The following ASCC3 variants were observed in gnomAD, a reference collection of about 807,000 sequenced individuals.
The protein encoded by ASCC3 is activating signal cointegrator 1 complex subunit 3.
ASCC3 carries 158 observed loss-of-function variants against 256.3 expected under a neutral mutation model. The observed-to-expected ratio is 0.62, with a 90% CI of 0.54 to 0.70. ASCC3 has a LOEUF of 0.70. Ranked by LOEUF, ASCC3 falls within the 30% of genes least tolerant of loss-of-function variation. ASCC3 has a pLI of 0.00. For missense variants in ASCC3, 2,259 were observed against 2,626.0 expected (o/e 0.86, Z 3.05); for synonymous variants, 948 against 883.4 (o/e 1.07, Z -1.30).
intron 22 of ASCC3, among the ~76,000 whole-genome samples, chr6:100,645,018 G>T (rs933316258): frequency 1.3e-5 from 2 of 152,148 alleles, no homozygotes; most frequent in African/African-American, 2.4e-5. Flanking sequence ...CATTATGAAA[G>T]ATAATATACT....
At chr6:100,824,965 T>C (rs1271920127) in intron 4 of ASCC3, among the ~76,000 whole-genome samples, 1 of 152,168 alleles carries the variant, frequency 6.6e-6, no homozygotes, top group African/African-American at 2.4e-5. Flanking sequence ...GGAAAAAATT[T>C]AATATCTCAA....
chr6:100,723,663 A>T (rs1239363424), intron 11 of ASCC3, among the ~76,000 whole-genome samples: 1 of 151,030 alleles, frequency 6.6e-6, no homozygotes, highest in East Asian at 1.9e-4. Context: ...GGATGGAAGA[A>T]AGTATTAAGG....
intron 10 of ASCC3, among the ~76,000 whole-genome samples, chr6:100,729,322 G>T (rs1464819885): frequency 6.6e-6 from 1 of 152,036 alleles, no homozygotes; most frequent in Non-Finnish European, 1.5e-5. Flanking sequence ...GAACAGAGAA[G>T]GCATTTTATG....
At chr6:100,568,893 T>C (rs910613305) in intron 36 of ASCC3, among the ~76,000 whole-genome samples, 8 of 151,668 alleles carry the variant, frequency 5.3e-5, no homozygotes, top group African/African-American at 1.9e-4. Flanking sequence ...TTCTCCTGCC[T>C]CAGCCTCCCG....
At chr6:100,668,335 G>A (rs1035497484) in intron 14 of ASCC3, among the ~76,000 whole-genome samples, 1 of 151,984 alleles carries the variant, frequency 6.6e-6, no homozygotes, top group Non-Finnish European at 1.5e-5. Flanking sequence ...TCAGAAAAGA[G>A]CACTTTGTAA....
chr6:100,638,853 A>G, intron 24 of ASCC3, 32 bp from the exon 25 acceptor site: 1 of 1,551,872 alleles, frequency 6.4e-7, no homozygotes, highest in South Asian at 1.1e-5. Flanking sequence ...GCTATACGAC[A>G]ATTGAAAAAC....
intron 14 of ASCC3, among the ~76,000 whole-genome samples, chr6:100,676,289 CT>C (rs1377710236): frequency 6.6e-6 from 1 of 152,058 alleles, no homozygotes; most frequent in East Asian, 1.9e-4. Flanking sequence ...CTATCTGTTT[CT>C]CATAGTAAAT....
chr6:100,851,547 CTTT>C (rs1208133916), intron 3 of ASCC3, among the ~76,000 whole-genome samples: 1 of 152,096 alleles, frequency 6.6e-6, no homozygotes, highest in Non-Finnish European at 1.5e-5. Context: ...CAAAGATCAA[CTTT>C]TTTGGAGTGT....
intron 36 of ASCC3, 103 bp from the exon 37 acceptor site, chr6:100,540,490 A>C: frequency 1.0e-6 from 1 of 966,978 alleles, no homozygotes. Flanking sequence ...AAATCATACA[A>C]TAACCATATC....
intron 37 of ASCC3, among the ~76,000 whole-genome samples, chr6:100,535,852 C>T (rs558408491): frequency 1.0e-3 from 157 of 152,156 alleles, no homozygotes; most frequent in African/African-American, 3.6e-3. Context: ...ATGGTCAAAA[C>T]GAATGCTTAT....
intron 4 of ASCC3, among the ~76,000 whole-genome samples, chr6:100,835,069 A>G (rs897082746): frequency 6.6e-6 from 1 of 151,790 alleles, no homozygotes; most frequent in Non-Finnish European, 1.5e-5. Context: ...TGCCTACCCA[A>G]TAAGCCTTCG....
At chr6:100,870,256 C>T (rs1773676073) in intron 1 of ASCC3, among the ~76,000 whole-genome samples, 1 of 150,926 alleles carries the variant, frequency 6.6e-6, no homozygotes, top group Non-Finnish European at 1.5e-5. Context: ...TCTCATGCGT[C>T]AGGAGGCTGA....
intron 4 of ASCC3, among the ~76,000 whole-genome samples, chr6:100,838,880 A>G (rs1014962097): frequency 9.2e-5 from 14 of 152,210 alleles, no homozygotes; most frequent in African/African-American, 3.1e-4. Context: ...ACATATATAT[A>G]TAACTTAAAA....
In ASCC3 at chr6:100,518,545, T is replaced by C. The variant is rs79398127; in HGVS notation, c.5776-403A>G. On this transcript the variant is annotated intron_variant, in intron 37 of 41. Coordinates refer to ENST00000369162, the MANE Select transcript of ASCC3 (RefSeq NM_006828.4). ...TGTAGTCTTTCAAATTTAAAATCAA[T>C]AATGGTAAGGAGATAGTTTTTCTTG... Among the ~76,000 whole-genome samples the C allele has an allele frequency of 9.5e-4, 144 of 152,220 alleles. 1 individual carries two copies. The South Asian group carries it at 0.024, about 26-fold the overall frequency.
chr6:100,861,878 C>G (rs1178321177), intron 3 of ASCC3, among the ~76,000 whole-genome samples: 2 of 152,030 alleles, frequency 1.3e-5, no homozygotes, highest in Non-Finnish European at 2.9e-5. Context: ...CCAGAGAAAG[C>G]AATCTAAAGG....
At chr6:100,602,873 T>A (rs1772693998) in intron 33 of ASCC3, among the ~76,000 whole-genome samples, 1 of 152,046 alleles carries the variant, frequency 6.6e-6, no homozygotes. Context: ...AATATGCAGG[T>A]ATTAAAAATA....
chr6:100,702,768 C>G (rs1017498658), intron 13 of ASCC3, among the ~76,000 whole-genome samples: 2 of 152,078 alleles, frequency 1.3e-5, no homozygotes, highest in African/African-American at 4.8e-5. Context: ...CAACCTCCAC[C>G]TAATCTATTG....
At chr6:100,621,212 C>T (rs1399513444) in intron 30 of ASCC3, among the ~76,000 whole-genome samples, 1 of 152,062 alleles carries the variant, frequency 6.6e-6, no homozygotes, top group Non-Finnish European at 1.5e-5. Context: ...AGCTGTTATC[C>T]TCAGCAAACT....
chr6:100,713,665 ACT>A (rs1778960640), intron 13 of ASCC3, among the ~76,000 whole-genome samples: 1 of 151,978 alleles, frequency 6.6e-6, no homozygotes, highest in South Asian at 2.1e-4. Flanking sequence ...GCACATGGAA[ACT>A]CTACTTTCCA....
Sources: gnomAD v4.1 joint callset for allele counts (sites outside exome capture counted in the v4.1 genomes callset) on GRCh38, gnomAD v4.1.1 for gene constraint, MANE v1.5 for transcripts, NCBI Gene and HGNC (gene_info 2026-07-23, HGNC 2026-07-21) for gene names.